Variants in UBXN8 observed in about 807,000 individuals in gnomAD.
UBXN8 encodes UBX domain protein 8, also known as UBX domain-containing protein 8.
UBXN8 carries 27 observed loss-of-function variants against 32.1 expected under a neutral mutation model. That is an observed-to-expected ratio of 0.84 (90% CI 0.62 to 1.16). UBXN8 has a LOEUF of 1.16. Ranked by LOEUF, UBXN8 falls within the 50% of genes most tolerant of loss-of-function variation. The probability of loss-of-function intolerance (pLI) is 0.00; values close to 1 mark genes in which losing one functional copy is unlikely to be tolerated. For synonymous variants in UBXN8, 109 were observed against 111.8 expected (o/e 0.98, Z 0.16); for missense variants, 306 against 311.4 (o/e 0.98, Z 0.13).
chr8:30,753,049 A>T lies in UBXN8; in HGVS notation c.226A>T (p.Asn76Tyr). ...QVYLKEEEEK[N>Y]EKRQKLVRKK... ...TGATGTCTTAGAAGAAGAAGAAAAGAATGAGAAAAGACAAAAACTTGTGAG... is the reference window on the plus strand; with the variant it reads ...TGATGTCTTAGAAGAAGAAGAAAAGTATGAGAAAAGACAAAAACTTGTGAG... The change falls in exon 3 of 8, where the codon AAT becomes TAT. Residue 76 changes from asparagine to tyrosine, a missense_variant. Transcript: ENST00000265616. The T allele has an allele frequency of 1.3e-6, 2 of 1,529,998 alleles. No homozygotes were observed. Among genetic ancestry groups the T allele is most frequent in the Non-Finnish European group, 1.8e-6 (2 of 1,140,288 alleles). The allele number at this position is 1,529,998 out of a possible 1,614,324, so 94.8% of individuals were successfully genotyped here. A position where few individuals can be genotyped will look rare whatever the true frequency, so the allele number is the denominator to read the frequency against.
chr8:30,733,743 C>T (rs758860779), intron 1 of UBXN8: 1 of 152,460 alleles, frequency 6.6e-6, no homozygotes, highest in Non-Finnish European at 1.5e-5. Context: ...CTTTCCTAGG[C>T]TCAAGAGATC....
At chr8:30,743,745 A>C (rs1805272365), upstream of UBXN8, among the ~76,000 whole-genome samples, 1 of 152,208 alleles carries the variant, frequency 6.6e-6, no homozygotes, top group Admixed American at 6.5e-5. Flanking sequence ...AGGAACCAGG[A>C]ACCGTTAGGG....
chr8:30,763,557 A>C (rs1038925187), intron 7 of UBXN8, among the ~76,000 whole-genome samples: 9 of 152,106 alleles, frequency 5.9e-5, no homozygotes, highest in African/African-American at 2.2e-4. Flanking sequence ...CTGCATTCAC[A>C]TTTTACTCAT....
intron 1 of UBXN8, among the ~76,000 whole-genome samples, chr8:30,749,272 A>G (rs1015768954): frequency 4.6e-5 from 7 of 151,900 alleles, no homozygotes; most frequent in Non-Finnish European, 1.0e-4. Flanking sequence ...GCATGCCTGT[A>G]GTCCCAGCTA....
intron 2 of UBXN8, among the ~76,000 whole-genome samples, chr8:30,752,743 C>A (rs899835560): frequency 6.6e-6 from 1 of 152,184 alleles, no homozygotes; most frequent in Non-Finnish European, 1.5e-5. Flanking sequence ...AGAAGCTTGT[C>A]ATTAGTGAAT....
rs1383061311 is a variant in UBXN8 at position 30,756,781 on chromosome 8, G to T, written c.422G>T (p.Ser141Ile). Residue 141 changes from serine to isoleucine, a missense_variant, in exon 5 of 8, where the codon AGT (serine) becomes ATT (isoleucine). By Grantham distance (142) the Ser-to-Ile change is moderately radical. Transcript: ENST00000265616. ...TTTGACCAGGGTGATGAAGGTACAA[G>T]TCAGACATCTTTTGAAACATCAAAC... ...GHKLGGDEGT[S>I]QTSFETSNRE... The T allele has an allele frequency of 6.2e-7, 1 of 1,614,030 alleles. No individual in the cohort carries two copies. The highest frequency in any genetic ancestry group is 1.7e-5 in the Admixed American group (1 of 60,012).
upstream of UBXN8, chr8:30,732,554 C>A: frequency 3.3e-6 from 1 of 305,420 alleles, no homozygotes; most frequent in Non-Finnish European, 5.9e-6. Flanking sequence ...TGTATGAGGT[C>A]ACAAAGGGGG....
upstream of UBXN8, among the ~76,000 whole-genome samples, chr8:30,743,118 G>A (rs1805249185): frequency 6.6e-6 from 1 of 151,822 alleles, no homozygotes; most frequent in Admixed American, 6.6e-5. Flanking sequence ...TTACAGGCGT[G>A]AGCCACCGCG....
chr8:30,764,107 C>T (rs531250567), intron 7 of UBXN8, among the ~76,000 whole-genome samples: 2 of 152,284 alleles, frequency 1.3e-5, no homozygotes, highest in South Asian at 4.1e-4. Context: ...CAGTTACTAA[C>T]ATTTTGGTAT....
At chr8:30,731,854 T>C (rs992534502), upstream of UBXN8, among the ~76,000 whole-genome samples, 32 of 152,178 alleles carry the variant, frequency 2.1e-4, no homozygotes, top group Admixed American at 1.6e-3. Flanking sequence ...TCAGTCTCCA[T>C]GGAACACTCC....
At chr8:30,734,681 G>A (rs1008957302) in intron 1 of UBXN8, among the ~76,000 whole-genome samples, 15 of 152,072 alleles carry the variant, frequency 9.9e-5, no homozygotes, top group Admixed American at 9.2e-4. Flanking sequence ...GCTCATGCCT[G>A]TAATCCCAGC....
At chr8:30,759,392 G>C (rs570375514) in intron 5 of UBXN8, among the ~76,000 whole-genome samples, 7 of 151,178 alleles carry the variant, frequency 4.6e-5, no homozygotes, top group Non-Finnish European at 1.0e-4. Flanking sequence ...GCGCCACCAC[G>C]CCTAGCTCAT....
chr8:30,761,542 T>C (rs1472792497), intron 6 of UBXN8, among the ~76,000 whole-genome samples: 1 of 152,130 alleles, frequency 6.6e-6, no homozygotes, highest in Non-Finnish European at 1.5e-5. Flanking sequence ...GCCTCAGGCA[T>C]AGGACACGTG....
chr8:30,741,841 GTGAAGAGAGT>G (rs1805210196), upstream of UBXN8, among the ~76,000 whole-genome samples: 1 of 152,194 alleles, frequency 6.6e-6, no homozygotes. Flanking sequence ...AGCAGTTGCA[GTGAAGAGAGT>G]TCACAAACAA....
chr8:30,756,899 C>T lies in UBXN8; in HGVS notation c.528+12C>T. 6.2e-7 allele frequency: 1 copy of T among 1,613,624 alleles called. No individual in the cohort carries two copies. The highest frequency in any genetic ancestry group is 8.5e-7 in the Non-Finnish European group (1 of 1,179,726). On this transcript the variant is annotated intron_variant, in intron 5 of 7. Transcript: ENST00000265616. ...CCACATGCAAGGAGGTAAAGTACTTCATGCCTCTCATTGAATTGTGTCTGT... is the reference window on the plus strand; with the variant it reads ...CCACATGCAAGGAGGTAAAGTACTTTATGCCTCTCATTGAATTGTGTCTGT...
At chr8:30,760,443 A>ATATATTTTT (rs1196366158) in intron 5 of UBXN8, among the ~76,000 whole-genome samples, 82 of 91,090 alleles carry the variant, frequency 9.0e-4, no homozygotes, top group East Asian at 4.2e-3. Flanking sequence ...ATATATATAT[A>ATATATTTTT]TTTTTTTTTT....
chr8:30,747,396 C>T (rs758934679), intron 1 of UBXN8, among the ~76,000 whole-genome samples: 27 of 131,540 alleles, frequency 2.1e-4, no homozygotes, highest in Admixed American at 8.5e-4. Context: ...CTGCAACCTC[C>T]GCCTCCCAGG....
At chr8:30,739,290 A>G (rs1009786992), upstream of UBXN8, among the ~76,000 whole-genome samples, 4 of 151,068 alleles carry the variant, frequency 2.6e-5, no homozygotes, top group East Asian at 3.9e-4. Context: ...CACGCCTGTA[A>G]TCCCAGCACT....
At chr8:30,730,346 T>C (rs1355895457), upstream of UBXN8, among the ~76,000 whole-genome samples, 1 of 152,218 alleles carries the variant, frequency 6.6e-6, no homozygotes, top group Non-Finnish European at 1.5e-5. Flanking sequence ...CGTCCTGTAC[T>C]GAAAAGCCAC....
Sources: allele counts gnomAD v4.1 joint callset (sites outside exome capture counted in the v4.1 genomes callset), GRCh38; gene constraint gnomAD v4.1.1; transcripts MANE v1.5; gene names NCBI Gene and HGNC (gene_info 2026-07-23, HGNC 2026-07-21).